TRIP4: variants seen among roughly 807,000 people sequenced by gnomAD.
The protein encoded by TRIP4 is thyroid hormone receptor interactor 4, also known as activating signal cointegrator 1.
A neutral mutation model predicts 81.8 loss-of-function variants in TRIP4; 54 were observed. That is an observed-to-expected ratio of 0.66 (90% CI 0.53 to 0.83). TRIP4 has a LOEUF of 0.83. Ranked by LOEUF, TRIP4 falls within the 40% of genes least tolerant of loss-of-function variation. The pLI is 0.00. For missense variants in TRIP4, 662 were observed against 683.6 expected (o/e 0.97, Z 0.35); for synonymous variants, 270 against 242.8 (o/e 1.11, Z -1.04).
intron 12 of TRIP4, among the ~76,000 whole-genome samples, chr15:64,446,186 A>G (rs1384722126): frequency 6.6e-6 from 1 of 151,914 alleles, no homozygotes; most frequent in Non-Finnish European, 1.5e-5. Context: ...AGGCAGAAGT[A>G]TCGCTTGAAC....
Position 64,397,670 on chromosome 15 carries a change from G to T in TRIP4, c.470G>T (p.Gly157Val), listed in dbSNP as rs376546567. ...TTTGTCAATTTATACACAAGAGAGGGACAGGACAGGCTTGCAGTCCTGCTC... is the reference window on the plus strand; with the variant it reads ...TTTGTCAATTTATACACAAGAGAGGTACAGGACAGGCTTGCAGTCCTGCTC... Reference protein sequence around the residue: ...TKFVNLYTREGQDRLAVLLPG... With the variant: ...TKFVNLYTREVQDRLAVLLPG... Residue 157 changes from glycine (G) to valine (V), a missense_variant, in exon 4 of 13, where the codon GGA (glycine) becomes GTA (valine). Physicochemically the swap from Gly to Val is moderately radical, Grantham distance 109 (BLOSUM62 -3). Transcript: ENST00000261884. The T allele has an allele frequency of 2.7e-5, 44 of 1,614,102 alleles. No individual in the cohort carries two copies. The highest frequency in any genetic ancestry group is 3.4e-5 in the Non-Finnish European group (40 of 1,180,056).
chr15:64,426,385 T>C (rs551275399), intron 11 of TRIP4, among the ~76,000 whole-genome samples: 1 of 152,266 alleles, frequency 6.6e-6, no homozygotes, highest in South Asian at 2.1e-4. Flanking sequence ...CATTTATATA[T>C]TTTAATTTTT....
chr15:64,428,417 T>G (rs1234111239), intron 11 of TRIP4, among the ~76,000 whole-genome samples: 2 of 152,204 alleles, frequency 1.3e-5, no homozygotes, highest in African/African-American at 2.4e-5. Context: ...TTTCCTGAGG[T>G]TGCTTTGAAC....
At chr15:64,394,828 A>G (rs1900242935) in intron 2 of TRIP4, among the ~76,000 whole-genome samples, 2 of 152,206 alleles carry the variant, frequency 1.3e-5, no homozygotes, top group African/African-American at 4.8e-5. Context: ...CTAAGTTATT[A>G]TGCAATCTAC....
At chr15:64,404,455 G>A (rs913861903) in intron 5 of TRIP4, among the ~76,000 whole-genome samples, 3 of 151,874 alleles carry the variant, frequency 2.0e-5, no homozygotes, top group Admixed American at 6.6e-5. Context: ...CAAGTAGCTG[G>A]GATTGCGGGC....
At chr15:64,453,570 C>G (rs1892820117) in intron 12 of TRIP4, among the ~76,000 whole-genome samples, 1 of 152,154 alleles carries the variant, frequency 6.6e-6, no homozygotes, top group African/African-American at 2.4e-5. Context: ...TAAAAGAACT[C>G]CTAAATCCCT....
At chr15:64,406,181 TG>T in intron 5 of TRIP4, 148 bp from the exon 6 acceptor site, 3 of 866,110 alleles carry the variant, frequency 3.5e-6, no homozygotes, top group Non-Finnish European at 5.4e-6. Flanking sequence ...AGGTAAGGCC[TG>T]GACTGTGTAC....
intron 1 of TRIP4, among the ~76,000 whole-genome samples, chr15:64,390,078 TTATATTAAA>T (rs1412080845): frequency 2.7e-5 from 4 of 146,352 alleles, no homozygotes; most frequent in East Asian, 1.9e-4. Context: ...ATATCAAATA[TTATATTAAA>T]TATATTAAAT....
chr15:64,439,039 T>G (rs1892461099), intron 11 of TRIP4, among the ~76,000 whole-genome samples: 1 of 152,254 alleles, frequency 6.6e-6, no homozygotes, highest in South Asian at 2.1e-4. Flanking sequence ...GGAGTTCAAC[T>G]ATCCCACTTT....
chr15:64,431,380 G>A (rs1389037816), intron 11 of TRIP4, among the ~76,000 whole-genome samples: 3 of 152,112 alleles, frequency 2.0e-5, no homozygotes, highest in Non-Finnish European at 4.4e-5. Flanking sequence ...GAGATATAGG[G>A]AATGTAGTTT....
At chr15:64,411,633 T>TCTATTAACATA (rs1891763653) in intron 7 of TRIP4, among the ~76,000 whole-genome samples, 6 of 150,626 alleles carry the variant, frequency 4.0e-5, no homozygotes, top group African/African-American at 1.5e-4. Context: ...CATAAATACA[T>TCTATTAACATA]AAACAAAAAA....
Position 64,414,512 on chromosome 15 carries a change from C to CTTTTT in TRIP4, c.1170+319_1170+323dup, listed in dbSNP as rs869202504. 5.9e-3 allele frequency among the ~76,000 whole-genome samples: 515 copies of CTTTTT among 87,044 alleles called. 12 individuals are homozygous for CTTTTT. Among genetic ancestry groups the CTTTTT allele is most frequent in the Non-Finnish European group, 6.4e-3 (312 of 48,378 alleles). The allele number at this position is 87,044 out of a possible 152,430, so 57.1% of individuals were successfully genotyped here. ...TGGTTCTTTTGTTAATGCTCTTTCT[C>CTTTTT]TTTTTTTTTTTTTTTTTTTTTTGAG... On this transcript the variant is annotated intron_variant, in intron 8 of 12. Transcript: ENST00000261884.
chr15:64,409,670 C>G lies in TRIP4; in HGVS notation c.885C>G (p.Asn295Lys). The change falls in exon 7 of 13, where the codon AAC becomes AAG. Residue 295 changes from asparagine to lysine, a missense_variant. By Grantham distance (94) the Asn-to-Lys change is moderately conservative (BLOSUM62 0). Transcript: ENST00000261884. ...CAGATTACTTTGCCAGTGATTCTAA[C>G]CAATGGTTGTCCAAACTTGAGCGGG... is the stretch of plus-strand genomic sequence containing the variant. ...DESDYFASDS[N>K]QWLSKLERET... is the part of the protein sequence containing the mutation. The G allele has an allele frequency of 6.2e-7, 1 of 1,614,168 alleles. No homozygotes were observed. Among genetic ancestry groups the G allele is most frequent in the Non-Finnish European group, 8.5e-7 (1 of 1,180,038 alleles).
In TRIP4 at chr15:64,432,922, A is replaced by AAAATAAATAAAT. The variant is rs59272780; in HGVS notation, c.1575+7307_1575+7318dup. On this transcript the variant is annotated intron_variant, in intron 11 of 12. Coordinates refer to ENST00000261884, the MANE Select transcript of TRIP4 (RefSeq NM_016213.5). ...CAAGACTCCATCTCAAAAATAAATA[A>AAAATAAATAAAT]AAATAAATAAATAAATAAATAAATA... Among the ~76,000 whole-genome samples the AAAATAAATAAAT allele has an allele frequency of 3.5e-3, 531 of 150,264 alleles. 2 individuals are homozygous for AAAATAAATAAAT. Among genetic ancestry groups the AAAATAAATAAAT allele is most frequent in the African/African-American group, 0.012 (510 of 41,166 alleles).
chr15:64,415,989 A>G (rs963596342), intron 8 of TRIP4, among the ~76,000 whole-genome samples: 2 of 152,226 alleles, frequency 1.3e-5, no homozygotes, highest in Non-Finnish European at 2.9e-5. Flanking sequence ...TAGTCATTGC[A>G]ATAGCACCAT....
chr15:64,407,473 C>G (rs989100212), intron 6 of TRIP4, among the ~76,000 whole-genome samples: 1 of 151,774 alleles, frequency 6.6e-6, no homozygotes, highest in East Asian at 1.9e-4. Context: ...CCAGACCATC[C>G]TGGCTAACAC....
chr15:64,407,706 T>A (rs1238721615), intron 6 of TRIP4, among the ~76,000 whole-genome samples: 1 of 152,072 alleles, frequency 6.6e-6, no homozygotes, highest in Non-Finnish European at 1.5e-5. Context: ...ATGCACTTAC[T>A]TTTTGATAAA....
intron 12 of TRIP4, among the ~76,000 whole-genome samples, chr15:64,445,732 A>G (rs1445720877): frequency 6.6e-6 from 1 of 151,852 alleles, no homozygotes; most frequent in Non-Finnish European, 1.5e-5. Context: ...GAGGCTTAAT[A>G]TAATTATACT....
intron 8 of TRIP4, among the ~76,000 whole-genome samples, chr15:64,418,146 C>T (rs905194317): frequency 6.6e-6 from 1 of 152,132 alleles, no homozygotes; most frequent in Non-Finnish European, 1.5e-5. Context: ...GACAGAGTCT[C>T]TCTTGCCCAG....
Sources: gnomAD v4.1 joint callset for allele counts (sites outside exome capture counted in the v4.1 genomes callset) on GRCh38, gnomAD v4.1.1 for gene constraint, MANE v1.5 for transcripts, NCBI Gene and HGNC (gene_info 2026-07-23, HGNC 2026-07-21) for gene names.